Variants in FUBP3 observed in about 807,000 individuals in gnomAD.
The protein encoded by FUBP3 is far upstream element binding protein 3, also known as far upstream element-binding protein 3.
In FUBP3, 28 loss-of-function variants were observed where a neutral mutation model predicts 85.6. The observed-to-expected ratio is 0.33, with a 90% confidence interval of 0.24 to 0.45. The LOEUF is 0.45. FUBP3 is among the 20% of genes least tolerant of loss of function. The probability of loss-of-function intolerance (pLI) is 1.00; values close to 1 mark genes in which losing one functional copy is unlikely to be tolerated. For missense variants in FUBP3, 583 were observed against 755.1 expected, an observed-to-expected ratio of 0.77 and a Z score of 2.67; for synonymous variants, 271 against 271.4, an observed-to-expected ratio of 1.00 and a Z score of 0.01.
chr9:130,626,457 AT>A lies in FUBP3; in HGVS notation c.1070del (p.Ile357LysfsTer14). The A allele has an allele frequency of 6.2e-7, 1 of 1,614,126 alleles. No homozygotes were observed. The highest frequency in any genetic ancestry group is 8.5e-7 in the Non-Finnish European group (1 of 1,180,018). On this transcript the variant is annotated frameshift_variant, in exon 12 of 19. Transcript: ENST00000319725. LOFTEE classifies it high-confidence loss of function. ...SVGAPGGVQE[I>X]TYTVPADKCG... is the part of the protein sequence containing the mutation. ...GGGAGCCCCTGGTGGCGTCCAGGAGATAACATACACGGTGCCAGCCGATAAG... is the reference window on the plus strand; with the variant it reads ...GGGAGCCCCTGGTGGCGTCCAGGAGAAACATACACGGTGCCAGCCGATAAG...
chr9:130,594,966 C>G (rs1392465478), intron 1 of FUBP3, among the ~76,000 whole-genome samples: 5 of 151,262 alleles, frequency 3.3e-5, no homozygotes, highest in Non-Finnish European at 1.5e-5. Flanking sequence ...GTGGCTCACG[C>G]CTATAATCCC....
At chr9:130,589,609 G>A (rs895968076) in intron 1 of FUBP3, among the ~76,000 whole-genome samples, 1 of 147,122 alleles carries the variant, frequency 6.8e-6, no homozygotes, top group African/African-American at 2.5e-5. Flanking sequence ...CTCCCAAAGT[G>A]CTGGGATTAC....
At chr9:130,595,662 T>G in intron 2 of FUBP3, 74 bp downstream of exon 2, 3 of 783,220 alleles carry the variant, frequency 3.8e-6, no homozygotes, top group South Asian at 2.7e-5. Context: ...TGTCAGCCAT[T>G]ACCTTAACGA....
At position 130,616,738 on chromosome 9, in the gene FUBP3, A is replaced by C. The variant is rs1476290125; in HGVS notation, c.567+221A>C. ...CCAAGTACTAGGGCAGGTGTGCCCTATCAGGGGCCCCAGTGAACTTTGAGC... is the reference window on the plus strand; with the variant it reads ...CCAAGTACTAGGGCAGGTGTGCCCTCTCAGGGGCCCCAGTGAACTTTGAGC... On this transcript the variant is annotated intron_variant, in intron 7 of 18. Transcript: ENST00000319725. This position sits in a 1 kb window ranked among gnomAD's most constrained non-coding sequence, Gnocchi z 4.7. 6.6e-6 allele frequency among the ~76,000 whole-genome samples: 1 copy of C among 152,238 alleles called. No homozygotes were observed. The highest frequency in any genetic ancestry group is 1.5e-5 in the Non-Finnish European group (1 of 68,026).
intron 2 of FUBP3, among the ~76,000 whole-genome samples, chr9:130,609,026 A>G (rs1296247812): frequency 6.6e-6 from 1 of 152,134 alleles, no homozygotes; most frequent in African/African-American, 2.4e-5. Context: ...CCAAAGACGT[A>G]TTTCTGAATG....
chr9:130,613,692 C>T (rs954244014), intron 5 of FUBP3, among the ~76,000 whole-genome samples: 1 of 152,270 alleles, frequency 6.6e-6, no homozygotes, highest in South Asian at 2.1e-4. Context: ...GGCAGTAAGT[C>T]CTGTTAGCTA....
rs1431643333 is a variant in FUBP3 at position 130,598,276 on chromosome 9, C to CT, written c.190+2690dup. Among the ~76,000 whole-genome samples, 15 of 152,300 alleles carry CT rather than the reference C, an allele frequency of 9.8e-5. No homozygotes were observed. The East Asian group carries it at 2.9e-3, about 29-fold the overall frequency. ...TTCATTTGCAAATATTTAGGTATTC[C>CT]TTATGCAGAGGACGCAGCAGATACC... is the stretch of plus-strand genomic sequence containing the variant. On this transcript the variant is annotated intron_variant, in intron 2 of 18. Coordinates refer to ENST00000319725, the MANE Select transcript of FUBP3 (RefSeq NM_003934.2).
At position 130,611,292 on chromosome 9, in the gene FUBP3, T is replaced by A. The variant is rs1256503995; in HGVS notation, c.225-1164T>A. 2.0e-5 allele frequency among the ~76,000 whole-genome samples: 3 copies of A among 152,132 alleles called. No homozygotes were observed. In the East Asian group the frequency reaches 5.8e-4, roughly 29 times the overall value. ...CCTCATAACAAGGTCAGGAAGCACATCCTGACAGGGACCTGGCTTCTGCTG... is the reference window on the plus strand; with the variant it reads ...CCTCATAACAAGGTCAGGAAGCACAACCTGACAGGGACCTGGCTTCTGCTG... On this transcript the variant is annotated intron_variant, in intron 3 of 18. Transcript: ENST00000319725.
intron 2 of FUBP3, among the ~76,000 whole-genome samples, chr9:130,608,084 A>C (rs1831550423): frequency 6.6e-6 from 1 of 152,224 alleles, no homozygotes; most frequent in Non-Finnish European, 1.5e-5. Context: ...ATTCTTGTGA[A>C]TCTCAGGAAG....
rs773615504 is a variant in FUBP3, at chr9:130,612,408, C to CTT, written c.225-48_225-47insTT. On this transcript the variant is annotated intron_variant, in intron 3 of 18. Coordinates refer to ENST00000319725, the MANE Select transcript of FUBP3 (RefSeq NM_003934.2). The surrounding 1 kb of genome is among the most constrained non-coding windows in gnomAD (Gnocchi z 4.1). ...GCAGTTTGGGGACCTAAAATGGCTG[C>CTT]AAAAGTCTGTATTCTGTATTTTTTT... 1 of 1,256,436 alleles carries CTT rather than the reference C, an allele frequency of 8.0e-7. No homozygotes were observed. The highest frequency in any genetic ancestry group is 1.3e-5 in the South Asian group (1 of 79,596). 77.8% of individuals were successfully genotyped at this position (1,256,436 alleles called of 1,614,324 possible). A position where few individuals can be genotyped will look rare whatever the true frequency, so the allele number is the denominator to read the frequency against.
At chr9:130,628,704 A>T (rs1830091683) in intron 12 of FUBP3, among the ~76,000 whole-genome samples, 1 of 152,150 alleles carries the variant, frequency 6.6e-6, no homozygotes, top group African/African-American at 2.4e-5. Context: ...GGAGGCTGGT[A>T]GGGTTCCCTC....
chr9:130,597,555 A>G (rs1830934556), intron 2 of FUBP3, among the ~76,000 whole-genome samples: 1 of 152,198 alleles, frequency 6.6e-6, no homozygotes, highest in Non-Finnish European at 1.5e-5. Context: ...GTGGCCAGGT[A>G]AACATGAACA....
chr9:130,606,609 T>C (rs1389565703), intron 2 of FUBP3, among the ~76,000 whole-genome samples: 1 of 152,042 alleles, frequency 6.6e-6, no homozygotes, highest in African/African-American at 2.4e-5. Flanking sequence ...TCACCTGAGG[T>C]CGGGAGTTCG....
At chr9:130,595,376 G>A in intron 1 of FUBP3, 107 bp from the exon 2 acceptor site, 2 of 712,104 alleles carry the variant, frequency 2.8e-6, no homozygotes, top group Non-Finnish European at 5.2e-6. Context: ...ATTAATCAAG[G>A]TCAGGGGAGA....
At chr9:130,623,387 A>G (rs1351186185) in intron 10 of FUBP3, among the ~76,000 whole-genome samples, 1 of 152,214 alleles carries the variant, frequency 6.6e-6, no homozygotes. Flanking sequence ...TTAAATGGCT[A>G]TAATTGCATA....
At position 130,623,753 on chromosome 9, in the gene FUBP3, A is replaced by T; in HGVS notation, c.975+42A>T. On this transcript the variant is annotated intron_variant, in intron 11 of 18. Transcript: ENST00000319725. ...AGAGTGTGAGTGTTTGGGCTGCAGA[A>T]GTGGAAAGTGCTACCCGGGGCTCTC... The T allele has an allele frequency of 2.2e-6, 3 of 1,356,900 alleles. No individual in the cohort carries two copies. The South Asian group carries it at 3.5e-5, about 16-fold the overall frequency. 84.1% of individuals were successfully genotyped at this position (1,356,900 alleles called of 1,614,324 possible).
chr9:130,591,579 C>T (rs1443990112), intron 1 of FUBP3, among the ~76,000 whole-genome samples: 3 of 152,040 alleles, frequency 2.0e-5, no homozygotes, highest in Admixed American at 6.6e-5. Context: ...TAGCCTACAC[C>T]GTAGTATAAA....
intron 11 of FUBP3, among the ~76,000 whole-genome samples, chr9:130,625,602 C>T (rs559522962): frequency 3.9e-5 from 6 of 152,354 alleles, no homozygotes; most frequent in African/African-American, 7.2e-5. Context: ...AATGACTCCG[C>T]GGACAGCGGC....
intron 2 of FUBP3, among the ~76,000 whole-genome samples, chr9:130,599,124 C>T (rs904922882): frequency 6.6e-6 from 1 of 152,168 alleles, no homozygotes; most frequent in African/African-American, 2.4e-5. Flanking sequence ...AACCCCGTCT[C>T]TACTAAAAAT....
Sources: gnomAD v4.1 joint callset for allele counts (sites outside exome capture counted in the v4.1 genomes callset) on GRCh38, gnomAD v4.1.1 for gene constraint, Gnocchi (gnomAD v3.1) non-coding constraint, MANE v1.5 for transcripts, NCBI Gene and HGNC (gene_info 2026-07-23, HGNC 2026-07-21) for gene names.